SLITRK3: variants seen among roughly 807,000 people sequenced by gnomAD.
The protein encoded by SLITRK3 is SLIT and NTRK like family member 3.
In SLITRK3, 16 loss-of-function variants were observed where a neutral mutation model predicts 63.6. The observed-to-expected ratio is 0.25, with a 90% CI of 0.17 to 0.38. The LOEUF is 0.38. Among genes scored for constraint, SLITRK3 ranks in the 10% least tolerant of loss-of-function variants. The pLI, the probability that SLITRK3 is intolerant of heterozygous loss-of-function variation, is 1.00. For missense variants in SLITRK3, 1,117 were observed against 1,181.4 expected (o/e 0.95, Z 0.80); for synonymous variants, 547 against 451.6 (o/e 1.21, Z -2.68).
intron 1 of SLITRK3, among the ~76,000 whole-genome samples, chr3:165,192,090 AAAAT>A (rs1718249612): frequency 6.6e-6 from 1 of 152,256 alleles, no homozygotes; most frequent in Non-Finnish European, 1.5e-5. Flanking sequence ...TTAATCAACA[AAAAT>A]AAACCAAAGT....
intron 1 of SLITRK3, among the ~76,000 whole-genome samples, chr3:165,194,231 G>T (rs1193467494): frequency 6.6e-6 from 1 of 152,148 alleles, no homozygotes; most frequent in East Asian, 1.9e-4. Context: ...AAAGTTAGTA[G>T]GTAGAGATGG....
At chr3:165,194,943 T>C (rs2108212074) in intron 1 of SLITRK3, among the ~76,000 whole-genome samples, 1 of 152,250 alleles carries the variant, frequency 6.6e-6, no homozygotes, top group East Asian at 1.9e-4. Flanking sequence ...GTTTTTTCCG[T>C]GTCCTGCTGG....
chr3:165,188,227 C>G lies in SLITRK3; in HGVS notation c.2604G>C (p.Gly868=), dbSNP rs1439175702. The G allele has an allele frequency of 6.2e-7, 1 of 1,613,416 alleles. No homozygotes were observed. The highest frequency in any genetic ancestry group is 1.3e-5 in the African/African-American group (1 of 74,770). The change falls in exon 2 of 2, where the codon GGG becomes GGC. Residue 868 remains glycine (G), a synonymous_variant. Transcript: ENST00000475390. ...AGFRHHEKNG[G]VVLFPPGGGC... is the part of the protein sequence containing the mutation. The stretch of plus-strand genomic sequence containing the variant: ...CTCCCCCAGGAGGAAACAGCACCAC[C>G]CCACCATTTTTCTCATGGTGGCGGA...
chr3:165,190,084 G>A lies in SLITRK3; in HGVS notation c.747C>T (p.Arg249=), dbSNP rs2108208365. ...EIVQLKSWLE[R]IPYTALVGDI... is the part of the protein sequence containing the mutation. The stretch of plus-strand genomic sequence containing the variant: ...CTCCCACCAGGGCAGTATAAGGAAT[G>A]CGTTCCAGCCAACTCTTCAGTTGTA... Residue 249 remains arginine (R), a synonymous_variant, in exon 2 of 2, where the codon CGC becomes CGT. Coordinates refer to ENST00000475390, the MANE Select transcript of SLITRK3 (RefSeq NM_001318810.2). 6.2e-7 allele frequency: 1 copy of A among 1,614,148 alleles called. No homozygotes were observed. Among genetic ancestry groups the A allele is most frequent in the Non-Finnish European group, 8.5e-7 (1 of 1,180,022 alleles).
chr3:165,188,857 G>A lies in SLITRK3; in HGVS notation c.1974C>T (p.Leu658=). The A allele has an allele frequency of 6.2e-7, 1 of 1,614,146 alleles. No individual in the cohort carries two copies. The highest frequency in any genetic ancestry group is 8.5e-7 in the Non-Finnish European group (1 of 1,180,018). Residue 658 remains leucine, a synonymous_variant, in exon 2 of 2, where the codon CTC becomes CTT. Transcript: ENST00000475390. ...GGPVPLSVLI[L]SLLVLFFSAV... is the part of the protein sequence containing the mutation. ...CTGAGAAAAACAGAACCAGCAGGCT[G>A]AGAATTAACACAGAAAGTGGCACAG...
Position 165,188,324 on chromosome 3 carries a change from T to A in SLITRK3, c.2507A>T (p.His836Leu). Residue 836 changes from histidine (H) to leucine (L), a missense_variant, in exon 2 of 2, where the codon CAT becomes CTT. Transcript: ENST00000475390. ...ACCAACTGCTGGGTGGTGAGGGTGA[T>A]GGTGATTCACCGTCACTATGGTGTT... ...QLNTIVTVNH[H>L]HPHHPAVGGV... is the part of the protein sequence containing the mutation. 2 of 1,613,998 alleles carry A rather than the reference T, an allele frequency of 1.2e-6. No individual in the cohort carries two copies. Among genetic ancestry groups the A allele is most frequent in the Non-Finnish European group, 1.7e-6 (2 of 1,179,954 alleles).
chr3:165,190,511 T>A lies in SLITRK3; in HGVS notation c.320A>T (p.Asn107Ile). Residue 107 changes from asparagine (N) to isoleucine (I), a missense_variant, in exon 2 of 2, where the codon AAT becomes ATT. Asn to Ile is a moderately radical substitution (Grantham distance 149). Transcript: ENST00000475390. ...GTCCTGCAATGCATTGTTCCCAAGATTAATAGACACAGCATTATTCAAATG... is the reference window on the plus strand; with the variant it reads ...GTCCTGCAATGCATTGTTCCCAAGAATAATAGACACAGCATTATTCAAATG... ...FLHLNNAVSI[N>I]LGNNALQDIQ... The A allele has an allele frequency of 6.2e-7, 1 of 1,613,842 alleles. No homozygotes were observed. Among genetic ancestry groups the A allele is most frequent in the South Asian group, 1.1e-5 (1 of 91,078 alleles).
In SLITRK3 at chr3:165,190,191, G is replaced by A; in HGVS notation, c.640C>T (p.Arg214Ter). 6.2e-7 allele frequency: 1 copy of A among 1,614,064 alleles called. No homozygotes were observed. The highest frequency in any genetic ancestry group is 8.5e-7 in the Non-Finnish European group (1 of 1,180,004). ...RGNRLKVLFY[R>*]GMLDHIGRSL... The stretch of plus-strand genomic sequence containing the variant: ...CTGCCAATGTGATCTAGCATTCCTC[G>A]GTAAAAAAGAACCTTTAACCTATTT... Residue 214 changes from arginine to a stop codon, truncating the protein, a stop_gained, in exon 2 of 2, where the codon CGA becomes TGA. Transcript: ENST00000475390. LOFTEE classifies it high-confidence loss of function.
intron 1 of SLITRK3, 123 bp from the exon 2 acceptor site, chr3:165,190,974 CAAGAT>C (rs1718203143): frequency 1.6e-6 from 1 of 640,200 alleles, no homozygotes; most frequent in South Asian, 2.4e-5. Context: ...AAGTGACACT[CAAGAT>C]GAGCTAGCAA....
Position 165,187,981 on chromosome 3 carries a change from T to C in SLITRK3, c.2850A>G (p.Lys950=). Residue 950 remains lysine (K), a synonymous_variant, in exon 2 of 2, where the codon AAA becomes AAG. Transcript: ENST00000475390. The part of the protein sequence containing the change: ...GKGFTDHQTQ[K]SDYLELRAKL... ...TGGCCCTTAACTCGAGGTAATCACT[T>C]TTTTGGGTTTGGTGGTCTGTGAAGC... 6.2e-7 allele frequency: 1 copy of C among 1,613,986 alleles called. No homozygotes were observed. Among genetic ancestry groups the C allele is most frequent in the Non-Finnish European group, 8.5e-7 (1 of 1,179,980 alleles).
Position 165,187,597 on chromosome 3 carries a change from C to T in SLITRK3, c.*300G>A, listed in dbSNP as rs944000688. 2 of 267,178 alleles carry T rather than the reference C, an allele frequency of 7.5e-6. No homozygotes were observed. The highest frequency in any genetic ancestry group is 1.4e-5 in the Non-Finnish European group (2 of 141,468). The allele number at this position is 267,178 out of a possible 1,614,324, so 16.6% of individuals were successfully genotyped here. On this transcript the variant is annotated 3_prime_UTR_variant, in exon 2 of 2. Coordinates refer to ENST00000475390, the MANE Select transcript of SLITRK3 (RefSeq NM_001318810.2). ...GATCCCCAGTATATCTTATACATGG[C>T]ACAGTCAAAGTCTCAAGTTTCAGTA... is the stretch of plus-strand genomic sequence containing the variant.
Position 165,189,211 on chromosome 3 carries a change from G to A in SLITRK3, c.1620C>T (p.Leu540=), listed in dbSNP as rs1238276196. ...ARLNLRKNYF[L]YLPVAGVLEH... ...CCAGGACACCAGCCACGGGAAGATA[G>A]AGGAAGTAGTTCTTCCTCAGGTTGA... is the stretch of plus-strand genomic sequence containing the variant. Residue 540 remains leucine (L), a synonymous_variant, in exon 2 of 2, where the codon CTC becomes CTT. Coordinates refer to ENST00000475390, the MANE Select transcript of SLITRK3 (RefSeq NM_001318810.2). The surrounding 1 kb of genome is among the most constrained non-coding windows in gnomAD (Gnocchi z 4.0). 3.1e-6 allele frequency: 5 copies of A among 1,614,106 alleles called. No homozygotes were observed. In the Admixed American group the frequency reaches 8.3e-5, roughly 27 times the overall value.
rs1718001939 is a variant in SLITRK3, at chr3:165,187,620, G to C, written c.*277C>G. The C allele has an allele frequency of 1.9e-5, 6 of 315,518 alleles. No homozygotes were observed. The East Asian group carries it at 3.1e-4, about 16-fold the overall frequency. 19.5% of individuals were successfully genotyped at this position (315,518 alleles called of 1,614,324 possible). A position where few individuals can be genotyped will look rare whatever the true frequency, so the allele number is the denominator to read the frequency against. The stretch of plus-strand genomic sequence containing the variant: ...GGCACAGTCAAAGTCTCAAGTTTCA[G>C]TATAAAAAAATAATGATAACATTTG... On this transcript the variant is annotated 3_prime_UTR_variant, in exon 2 of 2. Coordinates refer to ENST00000475390, the MANE Select transcript of SLITRK3 (RefSeq NM_001318810.2).
In SLITRK3 at chr3:165,195,397, A is replaced by G. The variant is rs114050368; in HGVS notation, c.-22+183T>C. 9.7e-4 allele frequency among the ~76,000 whole-genome samples: 148 copies of G among 152,190 alleles called. 1 individual carries two copies. Among genetic ancestry groups the G allele is most frequent in the African/African-American group, 3.4e-3 (141 of 41,528 alleles). ...GTCCGAGGGTATGTTAGTCTCCGGTACCCCTCCTTCCACCAACGTCCTTAC... is the reference window on the plus strand; with the variant it reads ...GTCCGAGGGTATGTTAGTCTCCGGTGCCCCTCCTTCCACCAACGTCCTTAC... On this transcript the variant is annotated intron_variant, in intron 1 of 1. Coordinates refer to ENST00000475390, the MANE Select transcript of SLITRK3 (RefSeq NM_001318810.2).
In SLITRK3 at chr3:165,186,866, G is replaced by C. The variant is rs943772454; in HGVS notation, c.*1031C>G. The C allele has an allele frequency of 5.2e-5, 8 of 152,410 alleles. No individual in the cohort carries two copies. The highest frequency in any genetic ancestry group is 1.9e-4 in the African/African-American group (8 of 41,376). 9.4% of individuals were successfully genotyped at this position (152,410 alleles called of 1,614,324 possible). ...TTCTTTTGAATCTTTGTGTGTGAGA[G>C]AGAAAACATTAAAAGTGCTTCCTAC... On this transcript the variant is annotated 3_prime_UTR_variant, in exon 2 of 2. Coordinates refer to ENST00000475390, the MANE Select transcript of SLITRK3 (RefSeq NM_001318810.2).
At position 165,188,542 on chromosome 3, in the gene SLITRK3, C is replaced by A; in HGVS notation, c.2289G>T (p.Glu763Asp). The A allele has an allele frequency of 6.2e-7, 1 of 1,613,924 alleles. No homozygotes were observed. Among genetic ancestry groups the A allele is most frequent in the Non-Finnish European group, 8.5e-7 (1 of 1,179,874 alleles). The change falls in exon 2 of 2, where the codon GAG becomes GAT. Residue 763 changes from glutamate to aspartate, a missense_variant. Glu to Asp is a conservative substitution (Grantham distance 45, BLOSUM62 2). Coordinates refer to ENST00000475390, the MANE Select transcript of SLITRK3 (RefSeq NM_001318810.2). Reference protein sequence around the residue: ...NPIYKPREEEEVAVSSAQEAG... With the variant: ...NPIYKPREEEDVAVSSAQEAG... ...CTTCTTGGGCTGATGAAACAGCCAC[C>A]TCCTCCTCCTCACGAGGCTTGTAGA...
rs1474363050 is a variant in SLITRK3, at chr3:165,188,689, A to G, written c.2142T>C (p.Gly714=). The stretch of plus-strand genomic sequence containing the variant: ...CACCACCCCCACTTCCGCCACCACC[A>G]CCTCCACCATCCTCAAACAGCCTGT... ...QCHRLFEDGG[G]GGGGSGGGGR... The change falls in exon 2 of 2, where the codon GGT becomes GGC. Residue 714 remains glycine, a synonymous_variant. Transcript: ENST00000475390. 1.2e-6 allele frequency: 2 copies of G among 1,613,090 alleles called. No individual in the cohort carries two copies. Among genetic ancestry groups the G allele is most frequent in the Non-Finnish European group, 1.7e-6 (2 of 1,179,796 alleles).
In SLITRK3 at chr3:165,189,239, C is replaced by T. The variant is rs757850309; in HGVS notation, c.1592G>A (p.Arg531Gln). 3 of 1,614,176 alleles carry T rather than the reference C, an allele frequency of 1.9e-6. No homozygotes were observed. The highest frequency in any genetic ancestry group is 2.2e-5 in the South Asian group (2 of 91,084). The change falls in exon 2 of 2, where the codon CGG becomes CAG. Residue 531 changes from arginine (R) to glutamine (Q), a missense_variant. Transcript: ENST00000475390. This position sits in a 1 kb window ranked among gnomAD's most constrained non-coding sequence, Gnocchi z 4.0. The stretch of plus-strand genomic sequence containing the variant: ...GAAGTAGTTCTTCCTCAGGTTGAGC[C>T]GGGCCAGGGATGTGCCAGCAAAGGC... ...TDAFAGTSLARLNLRKNYFLY... is the reference protein window; with the variant it reads ...TDAFAGTSLAQLNLRKNYFLY...
In SLITRK3 at chr3:165,189,631, A is replaced by G; in HGVS notation, c.1200T>C (p.Ile400=). ...TCAAGGGCCTTGGAAGAAGTTCAGA[A>G]ATGTTATTAAATCCTCGCTCTTTGC... is the stretch of plus-strand genomic sequence containing the variant. ...VNCKERGFNN[I]SELLPRPLNA... is the part of the protein sequence containing the mutation. The change falls in exon 2 of 2, where the codon ATT becomes ATC. Residue 400 remains isoleucine, a synonymous_variant. Transcript: ENST00000475390. This position sits in a 1 kb window ranked among gnomAD's most constrained non-coding sequence, Gnocchi z 4.0. 1.2e-6 allele frequency: 2 copies of G among 1,614,188 alleles called. No homozygotes were observed. The highest frequency in any genetic ancestry group is 1.7e-6 in the Non-Finnish European group (2 of 1,180,040).
Sources: gnomAD v4.1 joint callset for allele counts (sites outside exome capture counted in the v4.1 genomes callset) on GRCh38, gnomAD v4.1.1 for gene constraint, Gnocchi (gnomAD v3.1) non-coding constraint, MANE v1.5 for transcripts, NCBI Gene and HGNC (gene_info 2026-07-23, HGNC 2026-07-21) for gene names.